Variants in GABRA4 observed in about 807,000 individuals in gnomAD.
GABRA4 encodes the protein gamma-aminobutyric acid type A receptor subunit alpha4.
A neutral mutation model predicts 49.7 loss-of-function variants in GABRA4; 12 were observed. The ratio of observed to expected loss-of-function variants is 0.24; its 90% confidence interval spans 0.15 to 0.39. The LOEUF is 0.39. Ranked by LOEUF, GABRA4 falls within the 10% of genes least tolerant of loss-of-function variation. The pLI is 1.00. For synonymous variants in GABRA4, 288 were observed against 240.2 expected (o/e 1.20, Z -1.84); for missense variants, 506 against 686.0 (o/e 0.74, Z 2.93).
chr4:46,986,654 T>C (rs902988938), intron 2 of GABRA4, among the ~76,000 whole-genome samples: 2 of 152,088 alleles, frequency 1.3e-5, no homozygotes, highest in African/African-American at 4.8e-5. Flanking sequence ...TTAAATATCA[T>C]GTATATTGAC....
intron 6 of GABRA4, among the ~76,000 whole-genome samples, chr4:46,972,195 A>G (rs1428342755): frequency 1.3e-5 from 2 of 151,598 alleles, no homozygotes; most frequent in Non-Finnish European, 1.5e-5. Context: ...ATTGATGTGA[A>G]GAAGGTTTCC....
chr4:46,919,663 A>G lies in GABRA4; in HGVS notation c.*8562T>C, dbSNP rs1194289212. The G allele has an allele frequency of 6.6e-6, 1 of 151,666 alleles. No individual in the cohort carries two copies. The highest frequency in any genetic ancestry group is 2.4e-5 in the African/African-American group (1 of 41,424). 9.4% of individuals were successfully genotyped at this position (151,666 alleles called of 1,614,324 possible). On this transcript the variant is annotated 3_prime_UTR_variant, in exon 9 of 9. Coordinates refer to ENST00000264318, the MANE Select transcript of GABRA4 (RefSeq NM_000809.4). ...AAACAAACAATTTTAAAATTATTCAAGAGAAGAAAGAAGGGAATGGACTTC... is the reference window on the plus strand; with the variant it reads ...AAACAAACAATTTTAAAATTATTCAGGAGAAGAAAGAAGGGAATGGACTTC...
chr4:46,942,152 C>A (rs2351170), intron 8 of GABRA4, among the ~76,000 whole-genome samples: 36,565 of 151,968 alleles, frequency 0.24, 4,619 homozygotes, highest in East Asian at 0.29. Context: ...TCCAGGCATT[C>A]TTCTTGGTTC....
intron 2 of GABRA4, 95 bp downstream of exon 2, chr4:46,992,733 T>C (rs1189128739): frequency 5.6e-6 from 5 of 897,356 alleles, no homozygotes; most frequent in Middle Eastern, 2.6e-4. Flanking sequence ...TTTTTGCACG[T>C]GAGGCATACC....
At chr4:46,957,266 T>C (rs1722398119) in intron 8 of GABRA4, among the ~76,000 whole-genome samples, 1 of 71,778 alleles carries the variant, frequency 1.4e-5, no homozygotes, top group Non-Finnish European at 2.7e-5. Flanking sequence ...ACAGTTTGAC[T>C]TTGAAGGATA....
chr4:46,963,086 T>C (rs147196611), intron 8 of GABRA4, among the ~76,000 whole-genome samples: 1,879 of 151,872 alleles, frequency 0.012, 28 homozygotes, highest in Non-Finnish European at 0.018. Context: ...AAAACCACAA[T>C]GGACAGAAGG....
intron 2 of GABRA4, among the ~76,000 whole-genome samples, chr4:46,991,121 G>A (rs576737997): frequency 4.4e-4 from 67 of 152,112 alleles, no homozygotes; most frequent in Non-Finnish European, 8.5e-4. Flanking sequence ...GGGAGCCAGG[G>A]GTTGCAGTGA....
chr4:46,955,646 A>G (rs997965331), intron 8 of GABRA4, among the ~76,000 whole-genome samples: 1 of 152,068 alleles, frequency 6.6e-6, no homozygotes, highest in Non-Finnish European at 1.5e-5. Context: ...AGGAAGGAGC[A>G]CAGTATTCCC....
chr4:46,962,479 G>T (rs1044000290), intron 8 of GABRA4, among the ~76,000 whole-genome samples: 2 of 151,788 alleles, frequency 1.3e-5, no homozygotes, highest in Non-Finnish European at 2.9e-5. Flanking sequence ...AATGGAAAAA[G>T]ATTTTATGTT....
chr4:46,985,622 A>G (rs191779248), intron 2 of GABRA4, among the ~76,000 whole-genome samples: 70 of 152,162 alleles, frequency 4.6e-4, no homozygotes, highest in Non-Finnish European at 8.7e-4. Context: ...CATCTAAAAG[A>G]AATCTAACAA....
In GABRA4 at chr4:46,919,480, C is replaced by T. The variant is rs1720893699; in HGVS notation, c.*8745G>A. 6.6e-6 allele frequency: 1 copy of T among 151,406 alleles called. No individual in the cohort carries two copies. Among genetic ancestry groups the T allele is most frequent in the East Asian group, 1.9e-4 (1 of 5,182 alleles). The allele number at this position is 151,406 out of a possible 1,614,324, so 9.4% of individuals were successfully genotyped here. A position where few individuals can be genotyped will look rare whatever the true frequency, so the allele number is the denominator to read the frequency against. On this transcript the variant is annotated 3_prime_UTR_variant, in exon 9 of 9. Transcript: ENST00000264318. ...CAAAACACCTCTATCTCCTATCAAA[C>T]CTTGAACTGTTATAAATATCACACT...
intron 8 of GABRA4, among the ~76,000 whole-genome samples, chr4:46,961,431 T>C: frequency 6.6e-6 from 1 of 151,828 alleles, no homozygotes; most frequent in South Asian, 2.1e-4. Context: ...TGTTTTGTTA[T>C]TTATGTTTTT....
At chr4:46,972,304 G>A (rs1285838602) in intron 6 of GABRA4, among the ~76,000 whole-genome samples, 1 of 151,632 alleles carries the variant, frequency 6.6e-6, no homozygotes, top group African/African-American at 2.4e-5. Flanking sequence ...AAGACAGTGT[G>A]TGACTTATAC....
chr4:46,944,461 C>T lies in GABRA4; in HGVS notation c.1135-15706G>A, dbSNP rs371222980. Among the ~76,000 whole-genome samples, 144 of 152,132 alleles carry T rather than the reference C, an allele frequency of 9.5e-4. 4 individuals carry two copies. The South Asian group carries it at 0.028, about 30-fold the overall frequency. On this transcript the variant is annotated intron_variant, in intron 8 of 8. Transcript: ENST00000264318. The stretch of plus-strand genomic sequence containing the variant: ...CTTTTCTTCTTTTCCTTCTCACTTC[C>T]CTCACAGTGCTTCTTGAGAACACCT...
Position 46,922,881 on chromosome 4 carries a change from C to G in GABRA4, c.*5344G>C, listed in dbSNP as rs1475300170. On this transcript the variant is annotated 3_prime_UTR_variant, in exon 9 of 9. Transcript: ENST00000264318. ...TGGTCCCCAACCCCTGGGCCACTGA[C>G]CAGTACTTATCCATGACCTGTTAGG... is the stretch of plus-strand genomic sequence containing the variant. The G allele has an allele frequency of 6.6e-6, 1 of 152,094 alleles. No homozygotes were observed. The highest frequency in any genetic ancestry group is 1.5e-5 in the Non-Finnish European group (1 of 68,016). The allele number at this position is 152,094 out of a possible 1,614,324, so 9.4% of individuals were successfully genotyped here. A position where few individuals can be genotyped will look rare whatever the true frequency, so the allele number is the denominator to read the frequency against.
intron 8 of GABRA4, among the ~76,000 whole-genome samples, chr4:46,957,281 C>A (rs892328516): frequency 9.3e-5 from 14 of 151,340 alleles, no homozygotes; most frequent in African/African-American, 2.9e-4. Context: ...AGGATAAATA[C>A]AAAAAAAATT....
At position 46,924,335 on chromosome 4, in the gene GABRA4, T is replaced by A. The variant is rs1039497062; in HGVS notation, c.*3890A>T. 1 of 152,150 alleles carries A rather than the reference T, an allele frequency of 6.6e-6. No individual in the cohort carries two copies. The highest frequency in any genetic ancestry group is 1.9e-4 in the East Asian group (1 of 5,194). The allele number at this position is 152,150 out of a possible 1,614,324, so 9.4% of individuals were successfully genotyped here. ...TATCTTGATTATTGAAGTTTTGATG[T>A]CCCCATATATATTTGTGCCTGAGAT... is the stretch of plus-strand genomic sequence containing the variant. On this transcript the variant is annotated 3_prime_UTR_variant, in exon 9 of 9. Transcript: ENST00000264318.
chr4:46,981,072 A>AT (rs1425573104), intron 2 of GABRA4, among the ~76,000 whole-genome samples: 1 of 152,072 alleles, frequency 6.6e-6, no homozygotes, highest in Non-Finnish European at 1.5e-5. Context: ...TGATACGCTG[A>AT]TTTAGTACTA....
Position 46,925,840 on chromosome 4 carries a change from A to G in GABRA4, c.*2385T>C, listed in dbSNP as rs940379048. The G allele has an allele frequency of 1.3e-5, 2 of 149,820 alleles. No homozygotes were observed. Among genetic ancestry groups the G allele is most frequent in the African/African-American group, 4.9e-5 (2 of 40,678 alleles). 9.3% of individuals were successfully genotyped at this position (149,820 alleles called of 1,614,324 possible). On this transcript the variant is annotated 3_prime_UTR_variant, in exon 9 of 9. Coordinates refer to ENST00000264318, the MANE Select transcript of GABRA4 (RefSeq NM_000809.4). ...AGCTTTCTGGTTAATGTGTTCTTCA[A>G]ATTAACAATTAAGAATCCTTGGTTA...
Sources: gnomAD v4.1 joint callset for allele counts (sites outside exome capture counted in the v4.1 genomes callset) on GRCh38, gnomAD v4.1.1 for gene constraint, MANE v1.5 for transcripts, NCBI Gene and HGNC (gene_info 2026-07-23, HGNC 2026-07-21) for gene names.